ADGRF1: variants seen among roughly 807,000 people sequenced by gnomAD.
The protein encoded by ADGRF1 is adhesion G protein-coupled receptor F1.
A neutral mutation model predicts 87.2 loss-of-function variants in ADGRF1; 85 were observed. The observed-to-expected ratio is 0.97, with a 90% CI of 0.82 to 1.17. The LOEUF is 1.17. Among genes scored for constraint, ADGRF1 ranks in the 50% most tolerant of loss-of-function variants. ADGRF1 has a pLI of 0.00. For missense variants in ADGRF1, 1,169 were observed against 1,077.2 expected, an observed-to-expected ratio of 1.09 and a Z score of -1.19; for synonymous variants, 430 against 408.8, an observed-to-expected ratio of 1.05 and a Z score of -0.63.
chr6:47,018,977 C>A, intron 7 of ADGRF1: 1 of 168,416 alleles, frequency 5.9e-6, no homozygotes, highest in Non-Finnish European at 1.3e-5. Context: ...ACCAGGGAGG[C>A]ATAGGTGGGA....
At chr6:47,034,407 C>T (rs189817557) in intron 1 of ADGRF1, among the ~76,000 whole-genome samples, 4 of 152,270 alleles carry the variant, frequency 2.6e-5, no homozygotes, top group Admixed American at 2.6e-4. Flanking sequence ...AGCTAAGAAC[C>T]TACTAAGAAT....
rs762914893 is a variant in ADGRF1, at chr6:47,021,579, T to C, written c.552+379A>G. Among the ~76,000 whole-genome samples, 161 of 152,286 alleles carry C rather than the reference T, an allele frequency of 1.1e-3. 2 individuals are homozygous for C. The highest frequency in any genetic ancestry group is 9.0e-4 in the Non-Finnish European group (61 of 68,026). The stretch of plus-strand genomic sequence containing the variant: ...TTTCACCATCCTGGCCAGGCTGGTC[T>C]CGAACTCCTGACCTCAAGTGATCTG... On this transcript the variant is annotated intron_variant, in intron 6 of 14. Coordinates refer to ENST00000371253, the MANE Select transcript of ADGRF1 (RefSeq NM_153840.4).
chr6:47,014,529 G>C lies in ADGRF1; in HGVS notation c.927+152C>G. 7 of 1,422,590 alleles carry C rather than the reference G, an allele frequency of 4.9e-6. No homozygotes were observed. The South Asian group carries it at 9.2e-5, about 19-fold the overall frequency. The allele number at this position is 1,422,590 out of a possible 1,614,324, so 88.1% of individuals were successfully genotyped here. ...CGCTACCACTCATGCACGACTCCAC[G>C]GGTTCACCAGGGTCTGATGTCATCC... is the stretch of plus-strand genomic sequence containing the variant. On this transcript the variant is annotated intron_variant, in intron 9 of 14. Transcript: ENST00000371253.
chr6:47,024,105 G>C lies in ADGRF1; in HGVS notation c.390C>G (p.Leu130=), dbSNP rs529442970. ...QNCYLHTAGA[L]PSCECHLNNL... ...TGTTGAGATGACATTCACAGCTTGGGAGTGCTCCAGCCGTGTGAAGGTAGC... is the reference window on the plus strand; with the variant it reads ...TGTTGAGATGACATTCACAGCTTGGCAGTGCTCCAGCCGTGTGAAGGTAGC... Residue 130 remains leucine (L), a synonymous_variant, in exon 5 of 15, where the codon CTC becomes CTG. Transcript: ENST00000371253. 2 of 1,614,152 alleles carry C rather than the reference G, an allele frequency of 1.2e-6. No homozygotes were observed. Among genetic ancestry groups the C allele is most frequent in the East Asian group, 2.2e-5 (1 of 44,874 alleles).
At chr6:47,023,864 G>A (rs999411215) in intron 5 of ADGRF1, among the ~76,000 whole-genome samples, 180 bp downstream of exon 5, 1 of 152,130 alleles carries the variant, frequency 6.6e-6, no homozygotes, top group Non-Finnish European at 1.5e-5. Context: ...ATGTGTTTCT[G>A]GATCTTCTGT....
chr6:47,020,873 T>A, intron 6 of ADGRF1, 84 bp from the exon 7 acceptor site: 1 of 1,025,682 alleles, frequency 9.7e-7, no homozygotes, highest in South Asian at 1.3e-5. Flanking sequence ...ATACAGACAA[T>A]AAATAAATCA....
At position 47,009,966 on chromosome 6, in the gene ADGRF1, A is replaced by T. The variant is rs1779656510; in HGVS notation, c.1469T>A (p.Ile490Asn). 6.2e-7 allele frequency: 1 copy of T among 1,614,054 alleles called. No individual in the cohort carries two copies. The highest frequency in any genetic ancestry group is 1.3e-5 in the African/African-American group (1 of 74,934). ...ISMASLTLGN[I>N]LPVSKNGNAQ... is the part of the protein sequence containing the mutation. ...ATTTCCATTTTTGGAAACGGGTAGA[A>T]TGTTCCCCAGAGTCAACGAGGCCAT... Residue 490 changes from isoleucine (I) to asparagine (N), a missense_variant, in exon 11 of 15, where the codon ATT becomes AAT. Transcript: ENST00000371253.
chr6:47,021,082 A>T (rs1467197087), intron 6 of ADGRF1, among the ~76,000 whole-genome samples: 2 of 152,226 alleles, frequency 1.3e-5, no homozygotes, highest in African/African-American at 4.8e-5. Flanking sequence ...TTGATGCCAG[A>T]TCGTAGAATA....
chr6:47,039,674 A>G (rs957610899), intron 1 of ADGRF1, among the ~76,000 whole-genome samples: 7 of 152,234 alleles, frequency 4.6e-5, no homozygotes, highest in African/African-American at 1.7e-4. Flanking sequence ...TATTAAAACC[A>G]TGTATCTCTG....
rs1040561935 is a variant in ADGRF1, at chr6:47,022,054, A to G, written c.456T>C (p.Ile152=). 2.6e-6 allele frequency: 4 copies of G among 1,542,244 alleles called. No individual in the cohort carries two copies. The highest frequency in any genetic ancestry group is 2.3e-5 in the East Asian group (1 of 43,414). ...TTTCATTAATTTTGAAAGTGCCCCA[A>G]ATCTCTGTAGGAAATAAAAATAAGT... ...QSVNFCERTK[I]WGTFKINERF... The change falls in exon 6 of 15, where the codon ATT becomes ATC. Residue 152 remains isoleucine, a synonymous_variant. Transcript: ENST00000371253.
chr6:47,011,889 TA>T (rs1197228249), intron 10 of ADGRF1, 117 bp downstream of exon 10: 3 of 876,920 alleles, frequency 3.4e-6, no homozygotes, highest in African/African-American at 3.4e-5. Context: ...AAAGTTCACA[TA>T]AAGACGCATA....
chr6:47,014,320 A>G (rs914522934), intron 9 of ADGRF1: 3 of 1,012,968 alleles, frequency 3.0e-6, no homozygotes, highest in African/African-American at 1.7e-5. Flanking sequence ...CTGCTGGCTT[A>G]TGACTCACAC....
chr6:47,022,948 G>A (rs561936760), intron 5 of ADGRF1, among the ~76,000 whole-genome samples: 23 of 151,758 alleles, frequency 1.5e-4, no homozygotes, highest in African/African-American at 5.6e-4. Context: ...TGGTACTACA[G>A]GCACACACCA....
At chr6:47,032,837 AC>A (rs1561881911) in intron 1 of ADGRF1, among the ~76,000 whole-genome samples, 1 of 151,832 alleles carries the variant, frequency 6.6e-6, no homozygotes, top group African/African-American at 2.4e-5. Flanking sequence ...GATGGCCATC[AC>A]TCTGGAAATG....
At chr6:47,037,513 T>G (rs958247561) in intron 1 of ADGRF1, among the ~76,000 whole-genome samples, 1 of 152,178 alleles carries the variant, frequency 6.6e-6, no homozygotes, top group African/African-American at 2.4e-5. Flanking sequence ...ATTTTTACTT[T>G]TGGTTGTATT....
At chr6:47,007,433 G>C (rs1470070677) in intron 11 of ADGRF1, 139 bp from the exon 12 acceptor site, 3 of 546,802 alleles carry the variant, frequency 5.5e-6, no homozygotes, top group Non-Finnish European at 9.8e-6. Context: ...TAGTCTCCTT[G>C]AAAGCAAGAA....
chr6:47,012,287 T>C lies in ADGRF1; in HGVS notation c.928-92A>G, dbSNP rs754644834. On this transcript the variant is annotated intron_variant, in intron 9 of 14. Coordinates refer to ENST00000371253, the MANE Select transcript of ADGRF1 (RefSeq NM_153840.4). ...ATGTCTTGGCCATATAGAACTAACA[T>C]TTGTATGGTGTGTTCTAATGTAGGA... The C allele has an allele frequency of 1.2e-5, 19 of 1,544,090 alleles. 1 individual carries two copies. The highest frequency in any genetic ancestry group is 1.6e-5 in the Non-Finnish European group (18 of 1,142,676).
Position 47,009,854 on chromosome 6 carries a change from T to C in ADGRF1, c.1581A>G (p.Ser527=). Residue 527 remains serine, a synonymous_variant, in exon 11 of 15, where the codon TCA becomes TCG. Coordinates refer to ENST00000371253, the MANE Select transcript of ADGRF1 (RefSeq NM_153840.4). ...EVFLFFSKIE[S]NLSQPHCVFW... ...ACACACAATGAGGCTGGCTCAGGTT[T>C]GACTCTATCTTGGAAAAAAATAGGA... is the stretch of plus-strand genomic sequence containing the variant. 2 of 1,614,052 alleles carry C rather than the reference T, an allele frequency of 1.2e-6. No individual in the cohort carries two copies. Among genetic ancestry groups the C allele is most frequent in the Non-Finnish European group, 1.7e-6 (2 of 1,179,934 alleles).
chr6:47,027,588 T>C (rs1780277193), intron 3 of ADGRF1, 116 bp downstream of exon 3: 3 of 668,674 alleles, frequency 4.5e-6, no homozygotes, highest in African/African-American at 1.8e-5. Flanking sequence ...TGTACATATT[T>C]GGATGTTTAA....
Sources: allele counts gnomAD v4.1 joint callset (sites outside exome capture counted in the v4.1 genomes callset), GRCh38; gene constraint gnomAD v4.1.1; transcripts MANE v1.5; gene names NCBI Gene and HGNC (gene_info 2026-07-23, HGNC 2026-07-21).